Variants in MBTD1 observed in about 807,000 individuals in gnomAD.
The protein encoded by MBTD1 is mbt domain containing 1, also known as MBT domain-containing protein 1.
Under a neutral mutation model 87.8 loss-of-function variants are expected in MBTD1, and 24 were observed. The ratio of observed to expected loss-of-function variants is 0.27; its 90% CI spans 0.20 to 0.38. The LOEUF is 0.38. Among genes scored for constraint, MBTD1 ranks in the 10% least tolerant of loss-of-function variants. MBTD1 has a pLI of 1.00. For synonymous variants in MBTD1, 237 were observed against 248.6 expected (o/e 0.95, Z 0.44); for missense variants, 436 against 760.2 (o/e 0.57, Z 5.02).
chr17:51,197,400 T>G (rs927723576), intron 12 of MBTD1, among the ~76,000 whole-genome samples: 1 of 151,990 alleles, frequency 6.6e-6, no homozygotes, highest in African/African-American at 2.4e-5. Flanking sequence ...AATTTTTGTT[T>G]TTGGCTTTTT....
In MBTD1 at chr17:51,259,958, G is replaced by T; in HGVS notation, c.-236C>A. On this transcript the variant is annotated 5_prime_UTR_variant, in exon 1 of 17. Transcript: ENST00000586178. The stretch of plus-strand genomic sequence containing the variant: ...TCCCCGGGACTGCGGCGACTACAGG[G>T]GGCCCCCGGCTGGGCCCAGACCGGT... 2 of 1,124,440 alleles carry T rather than the reference G, an allele frequency of 1.8e-6. No individual in the cohort carries two copies. Among genetic ancestry groups the T allele is most frequent in the Non-Finnish European group, 2.2e-6 (2 of 889,802 alleles). The allele number at this position is 1,124,440 out of a possible 1,614,324, so 69.7% of individuals were successfully genotyped here.
chr17:51,236,411 A>C (rs12602155), intron 2 of MBTD1, among the ~76,000 whole-genome samples: 59,594 of 151,906 alleles, frequency 0.39, 13,248 homozygotes, highest in South Asian at 0.6. Context: ...ATGCCTAGCT[A>C]ATTTTTTATT....
At chr17:51,224,333 C>T (rs760290237) in intron 3 of MBTD1, among the ~76,000 whole-genome samples, 8 of 152,032 alleles carry the variant, frequency 5.3e-5, no homozygotes, top group South Asian at 2.1e-4. Context: ...TAAACTAGAA[C>T]GAAGGGTTCT....
intron 2 of MBTD1, among the ~76,000 whole-genome samples, chr17:51,232,644 A>T (rs946545864): frequency 6.6e-6 from 1 of 152,138 alleles, no homozygotes; most frequent in Non-Finnish European, 1.5e-5. Flanking sequence ...GAATGTAAAG[A>T]TCCAATAAAA....
intron 2 of MBTD1, chr17:51,250,566 T>C (rs1211269350): frequency 6.6e-6 from 1 of 152,242 alleles, no homozygotes. Context: ...TCTTGCTTTG[T>C]TATGTTGCTT....
rs527414344 is a variant in MBTD1 at position 51,193,318 on chromosome 17, T to C, written c.1455+110A>G. The C allele has an allele frequency of 4.9e-5, 35 of 707,346 alleles. No individual in the cohort carries two copies. The African/African-American group carries it at 5.0e-4, about 10-fold the overall frequency. The allele number at this position is 707,346 out of a possible 1,614,324, so 43.8% of individuals were successfully genotyped here. On this transcript the variant is annotated intron_variant, in intron 14 of 16. Transcript: ENST00000586178. Reference sequence around the variant, plus strand: ...TTCATTGCTATATTTGTTTATATTATATCTCCACTAAGAAATTCTAATACA... The same window carrying C: ...TTCATTGCTATATTTGTTTATATTACATCTCCACTAAGAAATTCTAATACA...
intron 16 of MBTD1, among the ~76,000 whole-genome samples, chr17:51,187,463 C>G (rs2050591573): frequency 6.6e-6 from 1 of 151,630 alleles, no homozygotes; most frequent in Non-Finnish European, 1.5e-5. Context: ...TATAAGCCTT[C>G]CAAGACATGT....
At chr17:51,215,108 G>T (rs1380770778) in intron 6 of MBTD1, among the ~76,000 whole-genome samples, 1 of 152,150 alleles carries the variant, frequency 6.6e-6, no homozygotes, top group Non-Finnish European at 1.5e-5. Context: ...TTGATAAGAA[G>T]GCAGTAAAGA....
chr17:51,209,856 C>A (rs1317391839), intron 6 of MBTD1, among the ~76,000 whole-genome samples: 7 of 152,122 alleles, frequency 4.6e-5, no homozygotes, highest in Non-Finnish European at 2.9e-5. Flanking sequence ...GTACATCTAG[C>A]AGAGGATGAT....
At chr17:51,207,052 TA>T (rs762144252) in intron 6 of MBTD1, 47 bp from the exon 7 acceptor site, 6 of 1,015,202 alleles carry the variant, frequency 5.9e-6, no homozygotes, top group Non-Finnish European at 9.2e-6. Flanking sequence ...ACATAAAGCC[TA>T]AAACATATCA....
At chr17:51,260,441 G>C, upstream of MBTD1, 2 of 874,004 alleles carry the variant, frequency 2.3e-6, no homozygotes, top group Non-Finnish European at 3.4e-6. Context: ...GTTACGTAGA[G>C]GGAGGGAGTG....
rs1046199541 is a variant in MBTD1 at position 51,226,980 on chromosome 17, C to T, written c.-48-1771G>A. ...GCTTTGGGCTGGGCGCGGTGACTCA[C>T]GCCTGTAATCCCAGTACTTCGGGAG... On this transcript the variant is annotated intron_variant, in intron 2 of 16. Coordinates refer to ENST00000586178, the MANE Select transcript of MBTD1 (RefSeq NM_017643.3). 3.9e-5 allele frequency among the ~76,000 whole-genome samples: 6 copies of T among 152,050 alleles called. No individual in the cohort carries two copies. The South Asian group carries it at 8.3e-4, about 21-fold the overall frequency.
chr17:51,260,178 C>A, upstream of MBTD1: 1 of 388,930 alleles, frequency 2.6e-6, no homozygotes, highest in East Asian at 4.4e-5. Context: ...AAGGACCGTA[C>A]CAAGACGAAG....
chr17:51,237,566 TG>T (rs1284224512), intron 2 of MBTD1, among the ~76,000 whole-genome samples: 1 of 152,046 alleles, frequency 6.6e-6, no homozygotes, highest in Admixed American at 6.5e-5. Context: ...AGTAACAACA[TG>T]AAAAGATGCT....
intron 16 of MBTD1, chr17:51,183,445 A>C (rs970631051): frequency 6.8e-6 from 1 of 147,846 alleles, no homozygotes; most frequent in South Asian, 2.2e-4. Flanking sequence ...ACATGGGATA[A>C]CCTCCCAAAG....
intron 16 of MBTD1, among the ~76,000 whole-genome samples, chr17:51,187,915 GTCTGTTT>G (rs1285272812): frequency 6.7e-6 from 1 of 150,246 alleles, no homozygotes; most frequent in Non-Finnish European, 1.5e-5. Flanking sequence ...ACTGAGTTAT[GTCTGTTT>G]TCTTCCAGAT....
chr17:51,216,697 C>T (rs531804418), intron 6 of MBTD1, among the ~76,000 whole-genome samples: 20 of 152,296 alleles, frequency 1.3e-4, no homozygotes, highest in African/African-American at 1.7e-4. Flanking sequence ...TAGGTCAAAT[C>T]GTATGACATT....
rs767344540 is a variant in MBTD1, at chr17:51,193,065, C to A, written c.1456-49G>T. 1.1e-5 allele frequency: 14 copies of A among 1,256,502 alleles called. No homozygotes were observed. The East Asian group carries it at 2.6e-4, about 23-fold the overall frequency. 77.8% of individuals were successfully genotyped at this position (1,256,502 alleles called of 1,614,324 possible). ...ATATTGGTATGAAGAAGAAAGAATGCACAACCCTACTATCACTAAGAAAGC... is the reference window on the plus strand; with the variant it reads ...ATATTGGTATGAAGAAGAAAGAATGAACAACCCTACTATCACTAAGAAAGC... On this transcript the variant is annotated intron_variant, in intron 14 of 16. Coordinates refer to ENST00000586178, the MANE Select transcript of MBTD1 (RefSeq NM_017643.3).
chr17:51,209,240 G>A (rs749948612), intron 6 of MBTD1: 2 of 385,688 alleles, frequency 5.2e-6, no homozygotes, highest in Non-Finnish European at 1.1e-5. Context: ...CTGGCAGGAG[G>A]GATACCTCTG....
Sources: allele counts gnomAD v4.1 joint callset (sites outside exome capture counted in the v4.1 genomes callset), GRCh38; gene constraint gnomAD v4.1.1; transcripts MANE v1.5; gene names NCBI Gene and HGNC (gene_info 2026-07-23, HGNC 2026-07-21).